The following GRID2 variants were observed in gnomAD, a reference collection of about 807,000 sequenced individuals.
The protein encoded by GRID2 is glutamate receptor ionotropic, delta-2.
A neutral mutation model predicts 114.8 loss-of-function variants in GRID2; 33 were observed. The observed-to-expected ratio is 0.29, with a 90% CI of 0.22 to 0.38. GRID2 has a LOEUF of 0.38. GRID2 is among the 10% of genes least tolerant of loss of function. The pLI is 1.00. For missense variants in GRID2, 1,184 were observed against 1,257.7 expected (o/e 0.94, Z 0.89); for synonymous variants, 505 against 449.9 (o/e 1.12, Z -1.55).
intron 13 of GRID2, among the ~76,000 whole-genome samples, chr4:93,596,396 G>A (rs890301126): frequency 6.6e-6 from 1 of 152,086 alleles, no homozygotes; most frequent in Non-Finnish European, 1.5e-5. Flanking sequence ...GGCTAACACG[G>A]TGAAACCCTG....
At chr4:93,177,304 TAAAC>T (rs1348169357) in intron 4 of GRID2, among the ~76,000 whole-genome samples, 2 of 152,028 alleles carry the variant, frequency 1.3e-5, no homozygotes, top group Non-Finnish European at 2.9e-5. Flanking sequence ...AAACTAGAAA[TAAAC>T]AATAAATATA....
At chr4:93,268,878 C>T (rs1465439634) in intron 8 of GRID2, among the ~76,000 whole-genome samples, 1 of 152,002 alleles carries the variant, frequency 6.6e-6, no homozygotes, top group Non-Finnish European at 1.5e-5. Context: ...TCTGGTAGCC[C>T]ACGGCCAATT....
intron 1 of GRID2, among the ~76,000 whole-genome samples, chr4:92,482,680 A>G (rs1369658292): frequency 1.3e-5 from 2 of 152,158 alleles, no homozygotes; most frequent in Non-Finnish European, 2.9e-5. Context: ...AAATCATATC[A>G]CAGGGCAGAT....
In GRID2 at chr4:92,810,965, T is replaced by C. The variant is rs1009791023; in HGVS notation, c.244+220679T>C. 2.6e-5 allele frequency among the ~76,000 whole-genome samples: 4 copies of C among 151,978 alleles called. No individual in the cohort carries two copies. The South Asian group carries it at 8.3e-4, about 31-fold the overall frequency. On this transcript the variant is annotated intron_variant, in intron 2 of 15. Coordinates refer to ENST00000282020, the MANE Select transcript of GRID2 (RefSeq NM_001510.4). ...CACCACGCAATTTTTGTACTTTTAGTAGAGATGAAGTTTCACCATGTTGGC... is the reference window on the plus strand; with the variant it reads ...CACCACGCAATTTTTGTACTTTTAGCAGAGATGAAGTTTCACCATGTTGGC...
At chr4:93,118,883 T>C (rs1733525190) in intron 4 of GRID2, among the ~76,000 whole-genome samples, 1 of 152,212 alleles carries the variant, frequency 6.6e-6, no homozygotes, top group Non-Finnish European at 1.5e-5. Flanking sequence ...AACCCTACTG[T>C]TTTCTATACT....
intron 11 of GRID2, among the ~76,000 whole-genome samples, chr4:93,472,047 A>G (rs796245625): frequency 4.0e-5 from 6 of 151,152 alleles, no homozygotes; most frequent in African/African-American, 1.5e-4. Context: ...AATTTTGGCC[A>G]GGCGCGGTGG....
chr4:93,050,139 A>G (rs1726548289), intron 2 of GRID2, among the ~76,000 whole-genome samples: 1 of 152,092 alleles, frequency 6.6e-6, no homozygotes, highest in Non-Finnish European at 1.5e-5. Flanking sequence ...GAAAACAAAA[A>G]TTGTCTACAT....
At chr4:93,723,961 C>T (rs944639448) in intron 14 of GRID2, among the ~76,000 whole-genome samples, 2 of 152,148 alleles carry the variant, frequency 1.3e-5, no homozygotes, top group African/African-American at 4.8e-5. Flanking sequence ...AACGAACATA[C>T]TATCACCACT....
intron 14 of GRID2, among the ~76,000 whole-genome samples, chr4:93,677,085 C>T (rs139306464): frequency 6.6e-6 from 1 of 152,192 alleles, no homozygotes; most frequent in African/African-American, 2.4e-5. Context: ...AAATACTGCG[C>T]TTTCCCTACG....
chr4:93,224,095 T>C (rs1375751473), intron 6 of GRID2, among the ~76,000 whole-genome samples: 1 of 152,192 alleles, frequency 6.6e-6, no homozygotes, highest in Non-Finnish European at 1.5e-5. Flanking sequence ...TGTTCTTTCA[T>C]TATTTCATTT....
intron 2 of GRID2, among the ~76,000 whole-genome samples, chr4:92,729,183 A>AT (rs1370728394): frequency 6.6e-6 from 1 of 151,860 alleles, no homozygotes; most frequent in Non-Finnish European, 1.5e-5. Context: ...GTTAAACTAT[A>AT]TTTTTTTGAC....
chr4:92,786,184 G>A (rs144430076), intron 2 of GRID2, among the ~76,000 whole-genome samples: 149 of 151,902 alleles, frequency 9.8e-4, no homozygotes, highest in Non-Finnish European at 2.0e-3. Context: ...CTAAGTATCT[G>A]TTGGCTTCCT....
At chr4:92,319,762 C>A (rs188171753) in intron 1 of GRID2, among the ~76,000 whole-genome samples, 1 of 152,290 alleles carries the variant, frequency 6.6e-6, no homozygotes, top group East Asian at 1.9e-4. Flanking sequence ...CAGTGTCTGG[C>A]AGAATACATA....
chr4:92,347,004 A>G (rs1727800385), intron 1 of GRID2, among the ~76,000 whole-genome samples: 1 of 152,178 alleles, frequency 6.6e-6, no homozygotes, highest in African/African-American at 2.4e-5. Flanking sequence ...CTTAGTCCAG[A>G]AAATATGTTC....
At chr4:93,068,966 G>A (rs559264035) in intron 2 of GRID2, among the ~76,000 whole-genome samples, 1 of 151,908 alleles carries the variant, frequency 6.6e-6, no homozygotes, top group Non-Finnish European at 1.5e-5. Flanking sequence ...CACTGTGTAA[G>A]GTGAAGGGGG....
At chr4:92,928,036 T>C (rs1247879105) in intron 2 of GRID2, among the ~76,000 whole-genome samples, 1 of 151,764 alleles carries the variant, frequency 6.6e-6, no homozygotes, top group African/African-American at 2.4e-5. Flanking sequence ...TTGCTCAACC[T>C]GTATAAGCAT....
At chr4:92,676,730 CA>C (rs900219603) in intron 2 of GRID2, among the ~76,000 whole-genome samples, 12 of 150,270 alleles carry the variant, frequency 8.0e-5, no homozygotes, top group East Asian at 5.9e-4. Context: ...AGCAATTCCT[CA>C]AAAAAAAAGT....
intron 2 of GRID2, among the ~76,000 whole-genome samples, chr4:92,959,456 TAA>T (rs1206493170): frequency 6.6e-6 from 1 of 151,870 alleles, no homozygotes; most frequent in African/African-American, 2.4e-5. Context: ...GTATGCTATT[TAA>T]AAGTGTGTTT....
intron 9 of GRID2, among the ~76,000 whole-genome samples, chr4:93,421,433 A>G (rs1358915076): frequency 6.6e-6 from 1 of 152,208 alleles, no homozygotes; most frequent in East Asian, 1.9e-4. Context: ...CTAAGATAAC[A>G]TATAAACAGT....
Sources: allele counts gnomAD v4.1 joint callset (sites outside exome capture counted in the v4.1 genomes callset), GRCh38; gene constraint gnomAD v4.1.1; transcripts MANE v1.5; gene names NCBI Gene and HGNC (gene_info 2026-07-23, HGNC 2026-07-21).